Variants in ATRNL1 observed in about 807,000 individuals in gnomAD.
ATRNL1 encodes the protein attractin-like protein 1.
In ATRNL1, 95 loss-of-function variants were observed where a neutral mutation model predicts 182.7. The observed-to-expected ratio is 0.52, with a 90% CI of 0.44 to 0.62. The LOEUF is 0.62. Among genes scored for constraint, ATRNL1 ranks in the 20% least tolerant of loss-of-function variants. The pLI, the probability that ATRNL1 is intolerant of heterozygous loss-of-function variation, is 0.00. For missense variants in ATRNL1, 1,471 were observed against 1,679.5 expected (o/e 0.88, Z 2.17); for synonymous variants, 576 against 568.3 (o/e 1.01, Z -0.19).
intron 22 of ATRNL1, 147 bp from the exon 23 acceptor site, chr10:115,467,027 T>A: frequency 4.0e-6 from 2 of 498,716 alleles, no homozygotes; most frequent in East Asian, 7.0e-5. Flanking sequence ...TTAAAATGTA[T>A]AAATGGCATC....
At chr10:115,165,990 G>GTT (rs1847021456) in intron 7 of ATRNL1, among the ~76,000 whole-genome samples, 1 of 152,040 alleles carries the variant, frequency 6.6e-6, no homozygotes. Flanking sequence ...TGACATTGCT[G>GTT]TGTAACCATG....
intron 26 of ATRNL1, among the ~76,000 whole-genome samples, chr10:115,667,645 A>C (rs1861076925): frequency 6.9e-6 from 1 of 145,452 alleles, no homozygotes. Flanking sequence ...CATTACATCT[A>C]CTGCATCTTT....
intron 27 of ATRNL1, among the ~76,000 whole-genome samples, chr10:115,770,159 AC>A (rs1292160250): frequency 2.6e-5 from 4 of 152,082 alleles, no homozygotes; most frequent in African/African-American, 7.2e-5. Context: ...ACTAAAAAAA[AC>A]AAGAGAAAGT....
At chr10:115,912,310 A>G (rs1019862126) in intron 28 of ATRNL1, among the ~76,000 whole-genome samples, 1 of 152,200 alleles carries the variant, frequency 6.6e-6, no homozygotes, top group Non-Finnish European at 1.5e-5. Flanking sequence ...TAAACAAACT[A>G]ATGACTAATA....
intron 3 of ATRNL1, among the ~76,000 whole-genome samples, chr10:115,126,855 A>G (rs550077452): frequency 3.9e-5 from 6 of 152,326 alleles, no homozygotes; most frequent in Admixed American, 1.3e-4. Flanking sequence ...AACTAAATGA[A>G]GATAGGTAAT....
intron 24 of ATRNL1, among the ~76,000 whole-genome samples, chr10:115,504,155 A>C (rs1219494502): frequency 6.6e-6 from 1 of 151,960 alleles, no homozygotes; most frequent in Non-Finnish European, 1.5e-5. Context: ...CATTTACCTA[A>C]TTATTTTCTT....
intron 26 of ATRNL1, among the ~76,000 whole-genome samples, chr10:115,694,885 T>G (rs1329062882): frequency 8.7e-5 from 7 of 80,866 alleles, no homozygotes; most frequent in Non-Finnish European, 2.0e-4. Flanking sequence ...TTTTCCTGTT[T>G]TTTTTTTTTT....
intron 26 of ATRNL1, among the ~76,000 whole-genome samples, chr10:115,723,738 A>C (rs1947507152): frequency 6.6e-6 from 1 of 151,708 alleles, no homozygotes; most frequent in African/African-American, 2.4e-5. Context: ...TTTATTTTTT[A>C]GCAGAGACAG....
chr10:115,197,233 G>C (rs1181430582), intron 8 of ATRNL1, among the ~76,000 whole-genome samples: 1 of 151,638 alleles, frequency 6.6e-6, no homozygotes, highest in African/African-American at 2.4e-5. Context: ...AGCTTACTTG[G>C]TCATAATATA....
At chr10:115,158,523 A>G (rs868967918) in intron 5 of ATRNL1, among the ~76,000 whole-genome samples, 7 of 152,206 alleles carry the variant, frequency 4.6e-5, no homozygotes, top group South Asian at 4.1e-4. Context: ...ATAGTTTTCT[A>G]TAGCTGATTT....
chr10:115,835,131 G>C (rs1394659504), intron 27 of ATRNL1, among the ~76,000 whole-genome samples: 3 of 152,030 alleles, frequency 2.0e-5, no homozygotes, highest in Non-Finnish European at 4.4e-5. Context: ...TGACTTAGCA[G>C]GCAAACAGAG....
intron 28 of ATRNL1, among the ~76,000 whole-genome samples, chr10:115,858,846 A>G (rs1951246583): frequency 6.6e-6 from 1 of 152,016 alleles, no homozygotes; most frequent in African/African-American, 2.4e-5. Context: ...TAGGTTTGGG[A>G]GAATTTAACA....
At chr10:115,529,123 A>T (rs1212948378) in intron 25 of ATRNL1, among the ~76,000 whole-genome samples, 1 of 151,740 alleles carries the variant, frequency 6.6e-6, no homozygotes, top group African/African-American at 2.4e-5. Context: ...TATCTATTAG[A>T]TCTTGGTGGT....
intron 20 of ATRNL1, among the ~76,000 whole-genome samples, chr10:115,424,367 G>A (rs894906343): frequency 1.3e-5 from 2 of 152,162 alleles, no homozygotes; most frequent in African/African-American, 4.8e-5. Context: ...GTGGACAACA[G>A]TATGGAAGTT....
Position 115,171,495 on chromosome 10 carries a change from G to A in ATRNL1, c.1348+203G>A, listed in dbSNP as rs1397534607. 5 of 419,120 alleles carry A rather than the reference G, an allele frequency of 1.2e-5. No individual in the cohort carries two copies. In the East Asian group the frequency reaches 1.5e-4, roughly 13 times the overall value. 26.0% of individuals were successfully genotyped at this position (419,120 alleles called of 1,614,324 possible). On this transcript the variant is annotated intron_variant, in intron 8 of 28. Coordinates refer to ENST00000355044, the MANE Select transcript of ATRNL1 (RefSeq NM_207303.4). ...TAAGCTTACCTTTTTAACCAAATGA[G>A]GGGAAATATTACTTAATAGTCTCAT...
chr10:115,259,217 T>C (rs1554907994), intron 10 of ATRNL1, among the ~76,000 whole-genome samples: 3 of 152,228 alleles, frequency 2.0e-5, no homozygotes, highest in African/African-American at 7.2e-5. Context: ...AGCTATGCCC[T>C]GGCCACAGAG....
At chr10:115,584,769 G>C (rs1360204231) in intron 26 of ATRNL1, among the ~76,000 whole-genome samples, 1 of 151,998 alleles carries the variant, frequency 6.6e-6, no homozygotes, top group Non-Finnish European at 1.5e-5. Flanking sequence ...TCTGACTTTA[G>C]TTATTTCTTG....
chr10:115,124,422 C>CT (rs2143657667), intron 3 of ATRNL1, among the ~76,000 whole-genome samples: 1 of 152,248 alleles, frequency 6.6e-6, no homozygotes, highest in East Asian at 1.9e-4. Flanking sequence ...TGCAAAGCTT[C>CT]TGGGTCCTCA....
intron 20 of ATRNL1, among the ~76,000 whole-genome samples, chr10:115,415,047 A>G (rs1455867814): frequency 6.6e-6 from 1 of 152,018 alleles, no homozygotes; most frequent in African/African-American, 2.4e-5. Context: ...TTTTCTTAAG[A>G]GCAAATTCCT....
Sources: allele counts gnomAD v4.1 joint callset (sites outside exome capture counted in the v4.1 genomes callset), GRCh38; gene constraint gnomAD v4.1.1; transcripts MANE v1.5; gene names NCBI Gene and HGNC (gene_info 2026-07-23, HGNC 2026-07-21).